CNTN5: variants seen among roughly 807,000 people sequenced by gnomAD.
CNTN5 encodes contactin-5.
CNTN5 carries 77 observed loss-of-function variants against 129.1 expected under a neutral mutation model. That is an observed-to-expected ratio of 0.60 (90% CI 0.50 to 0.72). The LOEUF is 0.72. CNTN5 is among the 30% of genes least tolerant of loss of function. The pLI is 0.00. For synonymous variants in CNTN5, 509 were observed against 465.6 expected (o/e 1.09, Z -1.20); for missense variants, 1,478 against 1,328.8 (o/e 1.11, Z -1.75).
At chr11:99,425,899 A>G (rs993228743) in intron 2 of CNTN5, among the ~76,000 whole-genome samples, 4 of 152,346 alleles carry the variant, frequency 2.6e-5, no homozygotes, top group African/African-American at 4.8e-5. Flanking sequence ...CTGCTCCAGA[A>G]AGGTCACTGC....
At chr11:99,839,037 A>C (rs999018497) in intron 4 of CNTN5, among the ~76,000 whole-genome samples, 2 of 152,162 alleles carry the variant, frequency 1.3e-5, no homozygotes, top group Non-Finnish European at 2.9e-5. Flanking sequence ...GTTTGGAAAA[A>C]TTCTTCACAA....
At chr11:99,328,117 G>A (rs1045037741) in intron 2 of CNTN5, among the ~76,000 whole-genome samples, 2 of 152,140 alleles carry the variant, frequency 1.3e-5, no homozygotes, top group African/African-American at 4.8e-5. Flanking sequence ...CATCTTTAAA[G>A]CTCTTGACAA....
At chr11:100,305,725 A>G (rs186455043) in intron 20 of CNTN5, among the ~76,000 whole-genome samples, 2 of 151,680 alleles carry the variant, frequency 1.3e-5, no homozygotes, top group African/African-American at 4.8e-5. Context: ...CCCAGTTGAA[A>G]ATGTTCACTT....
At chr11:99,461,542 G>T (rs1447220568) in intron 2 of CNTN5, among the ~76,000 whole-genome samples, 1 of 151,892 alleles carries the variant, frequency 6.6e-6, no homozygotes, top group African/African-American at 2.4e-5. Context: ...AATGTTTTTT[G>T]CAAGAATTTG....
chr11:99,799,693 G>A (rs1042536249), intron 3 of CNTN5, among the ~76,000 whole-genome samples: 1 of 152,020 alleles, frequency 6.6e-6, no homozygotes, highest in African/African-American at 2.4e-5. Flanking sequence ...AGGGATATTG[G>A]CATGTAATTT....
At chr11:99,891,022 A>T (rs1949045281) in intron 6 of CNTN5, among the ~76,000 whole-genome samples, 1 of 152,200 alleles carries the variant, frequency 6.6e-6, no homozygotes, top group South Asian at 2.1e-4. Flanking sequence ...AGAAACTGTC[A>T]CAACCAAGAG....
intron 9 of CNTN5, among the ~76,000 whole-genome samples, chr11:100,055,722 T>G (rs1421476160): frequency 6.6e-6 from 1 of 151,660 alleles, no homozygotes; most frequent in African/African-American, 2.4e-5. Context: ...TTAATATATG[T>G]CATAGGTGTT....
chr11:99,230,182 T>A (rs1860915316), intron 1 of CNTN5, among the ~76,000 whole-genome samples: 1 of 152,082 alleles, frequency 6.6e-6, no homozygotes, highest in Non-Finnish European at 1.5e-5. Flanking sequence ...CAATAAAATA[T>A]ATTTTTTATA....
chr11:99,941,798 G>T (rs1950444857), intron 7 of CNTN5, among the ~76,000 whole-genome samples: 1 of 152,062 alleles, frequency 6.6e-6, no homozygotes, highest in South Asian at 2.1e-4. Context: ...TAACAGCAGG[G>T]CCAGTGTGGC....
chr11:99,982,423 G>A (rs755125531), intron 8 of CNTN5, among the ~76,000 whole-genome samples: 1 of 152,064 alleles, frequency 6.6e-6, no homozygotes, highest in Non-Finnish European at 1.5e-5. Context: ...GCTGGCAGGA[G>A]GCTGAATACA....
At chr11:99,493,927 G>A (rs1163149899) in intron 2 of CNTN5, among the ~76,000 whole-genome samples, 3 of 151,892 alleles carry the variant, frequency 2.0e-5, no homozygotes, top group Non-Finnish European at 2.9e-5. Context: ...ATGTAGAATT[G>A]GAATTAAAAT....
intron 9 of CNTN5, among the ~76,000 whole-genome samples, chr11:100,030,012 T>C (rs1941626348): frequency 6.6e-6 from 1 of 152,194 alleles, no homozygotes; most frequent in Admixed American, 6.5e-5. Flanking sequence ...AATGTCAGCA[T>C]TCATAAACTG....
intron 3 of CNTN5, among the ~76,000 whole-genome samples, chr11:99,671,131 C>G (rs182218069): frequency 2.1e-5 from 3 of 140,954 alleles, no homozygotes; most frequent in African/African-American, 7.8e-5. Context: ...TCTCTCTTGG[C>G]TTCCCATGTA....
intron 13 of CNTN5, among the ~76,000 whole-genome samples, chr11:100,188,795 A>G (rs897676170): frequency 1.3e-5 from 2 of 152,300 alleles, no homozygotes; most frequent in East Asian, 1.9e-4. Context: ...TCATTGTAGC[A>G]CTAGTCACAA....
chr11:99,163,947 T>G (rs1860744614), intron 1 of CNTN5, among the ~76,000 whole-genome samples: 1 of 152,224 alleles, frequency 6.6e-6, no homozygotes, highest in Non-Finnish European at 1.5e-5. Flanking sequence ...ATTTATTGTA[T>G]TTTTAGGTCA....
At chr11:100,180,190 G>C (rs1383461681) in intron 13 of CNTN5, among the ~76,000 whole-genome samples, 1 of 151,978 alleles carries the variant, frequency 6.6e-6, no homozygotes, top group Non-Finnish European at 1.5e-5. Context: ...AAAGTGAAAT[G>C]AATTATTTTT....
chr11:99,523,745 T>C (rs1026237638), intron 2 of CNTN5, among the ~76,000 whole-genome samples: 3 of 151,954 alleles, frequency 2.0e-5, no homozygotes, highest in Non-Finnish European at 4.4e-5. Flanking sequence ...TTTGTTTTTG[T>C]ATCCTCGGTT....
intron 6 of CNTN5, among the ~76,000 whole-genome samples, chr11:99,881,194 CAA>C (rs2135857921): frequency 6.6e-6 from 1 of 152,252 alleles, no homozygotes; most frequent in South Asian, 2.1e-4. Flanking sequence ...AGTCTAGGAA[CAA>C]GAGCTGCTGG....
At chr11:99,275,206 A>C (rs936286623) in intron 1 of CNTN5, among the ~76,000 whole-genome samples, 13 of 151,234 alleles carry the variant, frequency 8.6e-5, no homozygotes, top group Admixed American at 3.3e-4. Context: ...ATAAAAAAAA[A>C]CTCAATCAAC....
Sources: allele counts gnomAD v4.1 joint callset (sites outside exome capture counted in the v4.1 genomes callset), GRCh38; gene constraint gnomAD v4.1.1; transcripts MANE v1.5; gene names NCBI Gene and HGNC (gene_info 2026-07-23, HGNC 2026-07-21).